COL28A1: variants seen among roughly 807,000 people sequenced by gnomAD.
The protein encoded by COL28A1 is collagen type XXVIII alpha 1 chain, also known as collagen alpha-1(XXVIII) chain.
A neutral mutation model predicts 150.2 loss-of-function variants in COL28A1; 161 were observed. That is an observed-to-expected ratio of 1.07 (90% CI 0.94 to 1.22). COL28A1 has a LOEUF of 1.22. Ranked by LOEUF, COL28A1 falls within the 50% of genes most tolerant of loss-of-function variation. The probability of loss-of-function intolerance (pLI) is 0.00; values close to 1 mark genes in which losing one functional copy is unlikely to be tolerated. For missense variants in COL28A1, 1,617 were observed against 1,388.3 expected, an observed-to-expected ratio of 1.16 and a Z score of -2.62; for synonymous variants, 552 against 469.7, an observed-to-expected ratio of 1.18 and a Z score of -2.26.
At chr7:7,440,498 T>A (rs780938339) in intron 21 of COL28A1, among the ~76,000 whole-genome samples, 1 of 152,222 alleles carries the variant, frequency 6.6e-6, no homozygotes, top group Non-Finnish European at 1.5e-5. Context: ...ATAGCTCCTA[T>A]GGTCCCAATT....
chr7:7,446,644 C>G (rs1007099552), intron 18 of COL28A1, among the ~76,000 whole-genome samples: 1 of 152,170 alleles, frequency 6.6e-6, no homozygotes, highest in Admixed American at 6.5e-5. Flanking sequence ...AACAATTATA[C>G]AATGGCAAGA....
At chr7:7,408,160 C>T (rs572560709) in intron 27 of COL28A1, among the ~76,000 whole-genome samples, 4 of 152,146 alleles carry the variant, frequency 2.6e-5, no homozygotes, top group East Asian at 1.9e-4. Context: ...ACATTACAGC[C>T]GTGCTCATGA....
intron 13 of COL28A1, among the ~76,000 whole-genome samples, chr7:7,487,256 T>C (rs1779676064): frequency 6.6e-6 from 1 of 152,188 alleles, no homozygotes; most frequent in African/African-American, 2.4e-5. Flanking sequence ...CAAAGTTCTT[T>C]GGAAAAAACA....
rs1273757155 is a variant in COL28A1, at chr7:7,358,796, C to T, written c.3215G>A (p.Cys1072Tyr). ...TPVDGAEDPR[C>Y]LEALKPGNCG... The stretch of plus-strand genomic sequence containing the variant: ...GTTTCCAGGCTTCAAGGCTTCCAAA[C>T]ATCTAGGATCTAGAGTGAGAAAAGG... The change falls in exon 35 of 35, where the codon TGT (cysteine) becomes TAT (tyrosine). Residue 1072 changes from cysteine to tyrosine, a missense_variant. Transcript: ENST00000399429. 6 of 1,613,456 alleles carry T rather than the reference C, an allele frequency of 3.7e-6. No homozygotes were observed. Among genetic ancestry groups the T allele is most frequent in the South Asian group, 3.3e-5 (3 of 90,922 alleles).
chr7:7,371,636 T>G (rs1006911328), intron 32 of COL28A1, among the ~76,000 whole-genome samples: 1 of 152,198 alleles, frequency 6.6e-6, no homozygotes, highest in African/African-American at 2.4e-5. Context: ...GGTACAGGCC[T>G]GCCAGAATGA....
At chr7:7,526,947 A>C (rs774744516) in intron 3 of COL28A1, among the ~76,000 whole-genome samples, 28 of 152,104 alleles carry the variant, frequency 1.8e-4, no homozygotes, top group Non-Finnish European at 3.7e-4. Flanking sequence ...AATAAGCAAT[A>C]TCTTAATCAA....
intron 25 of COL28A1, among the ~76,000 whole-genome samples, chr7:7,424,463 T>G (rs1178492611): frequency 6.6e-6 from 1 of 152,170 alleles, no homozygotes; most frequent in African/African-American, 2.4e-5. Context: ...ACCTGTGATA[T>G]TTTCAGATAC....
intron 8 of COL28A1, among the ~76,000 whole-genome samples, chr7:7,514,826 C>G (rs1295766349): frequency 6.6e-6 from 1 of 152,162 alleles, no homozygotes; most frequent in African/African-American, 2.4e-5. Flanking sequence ...GGTAGCACAA[C>G]AAAGCCCGCT....
intron 20 of COL28A1, 85 bp downstream of exon 20, chr7:7,443,500 A>G: frequency 5.7e-6 from 9 of 1,576,062 alleles, no homozygotes; most frequent in Non-Finnish European, 7.7e-6. Context: ...CATAGTAAGA[A>G]TAACAATCAA....
chr7:7,455,538 C>G (rs1787082874), intron 16 of COL28A1, among the ~76,000 whole-genome samples: 1 of 151,478 alleles, frequency 6.6e-6, no homozygotes, highest in Non-Finnish European at 1.5e-5. Context: ...TGCTTCTATT[C>G]CAGAAGTTTG....
At chr7:7,371,414 T>C (rs1464925658) in intron 32 of COL28A1, among the ~76,000 whole-genome samples, 2 of 152,228 alleles carry the variant, frequency 1.3e-5, no homozygotes, top group Non-Finnish European at 2.9e-5. Context: ...AGTAGAACCC[T>C]AGGTTAGAAA....
rs201967742 is a variant in COL28A1 at position 7,519,266 on chromosome 7, TACTC to T, written c.813+792_813+795del. On this transcript the variant is annotated intron_variant, in intron 6 of 34. Coordinates refer to ENST00000399429, the MANE Select transcript of COL28A1 (RefSeq NM_001037763.3). Reference sequence around the variant, plus strand: ...TAAAACCATCAGATCTCATGTGACTTACTCACTATCACAAGAACAGCATGGGAAA... The same window carrying T: ...TAAAACCATCAGATCTCATGTGACTTACTATCACAAGAACAGCATGGGAAA... 7.2e-3 allele frequency among the ~76,000 whole-genome samples: 1,093 copies of T among 152,238 alleles called. 11 individuals carry two copies. The highest frequency in any genetic ancestry group is 0.015 in the Admixed American group (230 of 15,282).
In COL28A1 at chr7:7,371,033, AC is replaced by A. The variant is rs371696979; in HGVS notation, c.2909-152del. 4.9e-4 allele frequency: 298 copies of A among 610,698 alleles called. No individual in the cohort carries two copies. In the East Asian group the frequency reaches 7.4e-3, roughly 15 times the overall value. The allele number at this position is 610,698 out of a possible 1,614,324, so 37.8% of individuals were successfully genotyped here. A position where few individuals can be genotyped will look rare whatever the true frequency, so the allele number is the denominator to read the frequency against. ...TTAACGAACTTATAAAAGCATTTTT[AC>A]ATCCTGTGTAAGAGGTCATCTAAAA... On this transcript the variant is annotated intron_variant, in intron 32 of 34. Coordinates refer to ENST00000399429, the MANE Select transcript of COL28A1 (RefSeq NM_001037763.3).
intron 22 of COL28A1, among the ~76,000 whole-genome samples, chr7:7,437,065 G>A (rs531234901): frequency 1.1e-3 from 174 of 152,146 alleles, no homozygotes; most frequent in African/African-American, 4.0e-3. Flanking sequence ...CAACCTGAGT[G>A]GATATCTCTT....
At position 7,411,114 on chromosome 7, in the gene COL28A1, T is replaced by C. The variant is rs546556115; in HGVS notation, c.2136+6745A>G. ...TTTCCACTACAGAATCCTGACATTC[T>C]TTCAAACATTATCTTTTCTTGTAAA... On this transcript the variant is annotated intron_variant, in intron 27 of 34. Coordinates refer to ENST00000399429, the MANE Select transcript of COL28A1 (RefSeq NM_001037763.3). 1.3e-4 allele frequency among the ~76,000 whole-genome samples: 20 copies of C among 152,282 alleles called. No homozygotes were observed. In the South Asian group the frequency reaches 3.7e-3, roughly 28 times the overall value.
chr7:7,425,628 A>G (rs1784610939), intron 25 of COL28A1, among the ~76,000 whole-genome samples: 1 of 152,096 alleles, frequency 6.6e-6, no homozygotes, highest in Non-Finnish European at 1.5e-5. Flanking sequence ...CCATCCTACA[A>G]TGTGTGTGAT....
chr7:7,489,511 C>A lies in COL28A1; in HGVS notation c.1096-54G>T, dbSNP rs565592495. The A allele has an allele frequency of 5.7e-5, 50 of 884,664 alleles. No individual in the cohort carries two copies. In the South Asian group the frequency reaches 5.9e-4, roughly 10 times the overall value. The allele number at this position is 884,664 out of a possible 1,614,324, so 54.8% of individuals were successfully genotyped here. On this transcript the variant is annotated intron_variant, in intron 12 of 34. Coordinates refer to ENST00000399429, the MANE Select transcript of COL28A1 (RefSeq NM_001037763.3). Reference sequence around the variant, plus strand: ...CTTGAGATTTTAAATAAAGAATAAACATAGCGCAAAGTTCTCTCAAGATTT... The same window carrying A: ...CTTGAGATTTTAAATAAAGAATAAAAATAGCGCAAAGTTCTCTCAAGATTT...
intron 3 of COL28A1, among the ~76,000 whole-genome samples, chr7:7,530,387 C>T (rs10259911): frequency 1.1e-4 from 17 of 152,174 alleles, no homozygotes; most frequent in Admixed American, 3.3e-4. Flanking sequence ...AGAAAAAGAT[C>T]GAGGGATAAG....
At chr7:7,415,235 C>T (rs1287019070) in intron 27 of COL28A1, among the ~76,000 whole-genome samples, 1 of 152,162 alleles carries the variant, frequency 6.6e-6, no homozygotes, top group Non-Finnish European at 1.5e-5. Flanking sequence ...AGCACACACA[C>T]CTGCAAGCAG....
Sources: gnomAD v4.1 joint callset for allele counts (sites outside exome capture counted in the v4.1 genomes callset) on GRCh38, gnomAD v4.1.1 for gene constraint, MANE v1.5 for transcripts, NCBI Gene and HGNC (gene_info 2026-07-23, HGNC 2026-07-21) for gene names.